The following OR6C2 variants were observed in gnomAD, a reference collection of about 807,000 sequenced individuals.
OR6C2 encodes olfactory receptor 6C2.
For missense variants in OR6C2, 435 were observed against 365.8 expected (o/e 1.19, Z -1.54); for synonymous variants, 146 against 134.2 (o/e 1.09, Z -0.61).
intron 1 of OR6C2, among the ~76,000 whole-genome samples, chr12:55,447,355 A>G (rs1162080152): frequency 6.7e-6 from 1 of 150,204 alleles, no homozygotes; most frequent in African/African-American, 2.4e-5. Flanking sequence ...ACTTAACATG[A>G]TATCTATTCT....
intron 1 of OR6C2, among the ~76,000 whole-genome samples, chr12:55,447,327 T>G (rs1180357219): frequency 2.6e-5 from 4 of 151,590 alleles, no homozygotes; most frequent in Non-Finnish European, 5.9e-5. Context: ...TTTTGGGTTT[T>G]TTTTTTTTTA....
intron 1 of OR6C2, among the ~76,000 whole-genome samples, chr12:55,448,463 C>T (rs1395213750): frequency 2.7e-5 from 4 of 148,198 alleles, no homozygotes; most frequent in Non-Finnish European, 6.0e-5. Flanking sequence ...TTTCACTATA[C>T]CTGGTTCCAA....
intron 1 of OR6C2, among the ~76,000 whole-genome samples, chr12:55,447,439 A>G (rs2120677839): frequency 6.6e-6 from 1 of 152,012 alleles, no homozygotes; most frequent in East Asian, 1.9e-4. Context: ...TCTAGAACTT[A>G]CTCATCCTGC....
chr12:55,448,008 TTTTG>T (rs1466304776), intron 1 of OR6C2, among the ~76,000 whole-genome samples: 2 of 152,046 alleles, frequency 1.3e-5, no homozygotes, highest in African/African-American at 4.8e-5. Flanking sequence ...TTACCTTTTG[TTTTG>T]TTTTTCTTGT....
intron 1 of OR6C2, among the ~76,000 whole-genome samples, chr12:55,449,716 G>C (rs1054606844): frequency 1.3e-4 from 20 of 150,942 alleles, no homozygotes; most frequent in Admixed American, 4.6e-4. Flanking sequence ...TCAAATTCTG[G>C]AAAAAAGGAA....
In OR6C2 at chr12:55,452,249, G is replaced by C. The variant is rs375852105; in HGVS notation, c.36G>C (p.Leu12=). The change falls in exon 2 of 2, where the codon CTG becomes CTC. Residue 12 remains leucine (L), a synonymous_variant. Transcript: ENST00000641202. ...KNHTVIRTFI[L]LGLTGDPHLQ... is the part of the protein sequence containing the mutation. ...ACACAGTAATAAGAACTTTTATCCT[G>C]CTGGGACTGACAGGTGACCCACACC... 6.2e-6 allele frequency: 10 copies of C among 1,606,852 alleles called. No homozygotes were observed. The African/African-American group carries it at 1.1e-4, about 17-fold the overall frequency.
chr12:55,451,953 G>C lies in OR6C2; in HGVS notation c.-261G>C, dbSNP rs540738396. ...ATCAACTGCATTTGTAAATTCTGAT[G>C]GATAAGGAATGATCAAAGAAAAAGT... On this transcript the variant is annotated 5_prime_UTR_variant, in exon 2 of 2. It removes an upstream start codon present in the reference 5' UTR. Coordinates refer to ENST00000641202, the MANE Select transcript of OR6C2 (RefSeq NM_054105.2). 3.5e-5 allele frequency: 12 copies of C among 343,414 alleles called. No individual in the cohort carries two copies. The East Asian group carries it at 5.3e-4, about 15-fold the overall frequency. The allele number at this position is 343,414 out of a possible 1,614,324, so 21.3% of individuals were successfully genotyped here.
chr12:55,452,025 C>T lies in OR6C2; in HGVS notation c.-189C>T. 1 of 483,520 alleles carries T rather than the reference C, an allele frequency of 2.1e-6. No homozygotes were observed. Among genetic ancestry groups the T allele is most frequent in the Non-Finnish European group, 3.6e-6 (1 of 276,372 alleles). 30.0% of individuals were successfully genotyped at this position (483,520 alleles called of 1,614,324 possible). ...ATTTCTTAAGGAGATATCCACTGCT[C>T]ATATATGTGAAATTTAGAAAGGTTA... On this transcript the variant is annotated 5_prime_UTR_variant, in exon 2 of 2. Transcript: ENST00000641202.
intron 1 of OR6C2, among the ~76,000 whole-genome samples, chr12:55,448,771 G>A (rs1871415169): frequency 6.6e-6 from 1 of 151,650 alleles, no homozygotes; most frequent in Non-Finnish European, 1.5e-5. Flanking sequence ...TAGGTGGACT[G>A]ATGTACTGGA....
intron 1 of OR6C2, among the ~76,000 whole-genome samples, chr12:55,445,838 G>A (rs958190512): frequency 5.9e-5 from 9 of 152,174 alleles, no homozygotes; most frequent in African/African-American, 2.2e-4. Context: ...TTCCTTAATT[G>A]CCTAGGTGGT....
intron 1 of OR6C2, among the ~76,000 whole-genome samples, chr12:55,448,051 G>A (rs578029098): frequency 2.0e-5 from 3 of 151,820 alleles, no homozygotes; most frequent in African/African-American, 4.8e-5. Context: ...ATATGTGTGA[G>A]GTGATATCTC....
chr12:55,446,712 C>T (rs1275067400), intron 1 of OR6C2, among the ~76,000 whole-genome samples: 1 of 151,912 alleles, frequency 6.6e-6, no homozygotes, highest in African/African-American at 2.4e-5. Flanking sequence ...AGAACAAAAG[C>T]TGTGGAGGCA....
In OR6C2 at chr12:55,453,286, C is replaced by T. The variant is rs1871529805; in HGVS notation, c.*134C>T. ...TTCTCAATGACATTTAATATTGCAT[C>T]CTAATCCCATCTTTATCAAAATCCT... On this transcript the variant is annotated 3_prime_UTR_variant, in exon 2 of 2. Transcript: ENST00000641202. The T allele has an allele frequency of 1.4e-4, 85 of 619,456 alleles. 2 individuals carry two copies. In the South Asian group the frequency reaches 1.8e-3, roughly 13 times the overall value. The allele number at this position is 619,456 out of a possible 1,614,324, so 38.4% of individuals were successfully genotyped here.
Position 55,452,119 on chromosome 12 carries a change from C to G in OR6C2, c.-95C>G. 2.8e-6 allele frequency: 2 copies of G among 722,490 alleles called. No homozygotes were observed. The highest frequency in any genetic ancestry group is 2.5e-4 in the Middle Eastern group (1 of 4,042). The allele number at this position is 722,490 out of a possible 1,614,324, so 44.8% of individuals were successfully genotyped here. ...AAAAGTAGGCTGGTCAGCTTGGCTT[C>G]TAGATGCATATCCTTTTGCTATAGA... On this transcript the variant is annotated 5_prime_UTR_variant, in exon 2 of 2. Transcript: ENST00000641202.
intron 1 of OR6C2, among the ~76,000 whole-genome samples, chr12:55,448,795 G>C (rs548602380): frequency 1.3e-3 from 192 of 151,808 alleles, no homozygotes; most frequent in African/African-American, 4.4e-3. Context: ...AGAGGGAGGG[G>C]TTCTGACCAG....
At chr12:55,445,205 A>C (rs759375562) in intron 1 of OR6C2, among the ~76,000 whole-genome samples, 2 of 152,176 alleles carry the variant, frequency 1.3e-5, no homozygotes, top group African/African-American at 2.4e-5. Flanking sequence ...TAGCATCTTC[A>C]TTCTCATTAT....
chr12:55,444,078 T>C lies in OR6C2; in HGVS notation c.-969T>C, dbSNP rs1871323759. 1 of 152,142 alleles carries C rather than the reference T, an allele frequency of 6.6e-6. No individual in the cohort carries two copies. The highest frequency in any genetic ancestry group is 2.4e-5 in the African/African-American group (1 of 41,460). The allele number at this position is 152,142 out of a possible 1,614,324, so 9.4% of individuals were successfully genotyped here. On this transcript the variant is annotated 5_prime_UTR_variant, in exon 1 of 2. Transcript: ENST00000641202. ...GTTAAACCAGTACAAAGTTACAACT[T>C]CCTTAACACAACACAGTTCAACCCA...
rs1223170783 is a variant in OR6C2 at position 55,453,170 on chromosome 12, C to T, written c.*18C>T. 1.9e-6 allele frequency: 3 copies of T among 1,570,168 alleles called. No individual in the cohort carries two copies. The highest frequency in any genetic ancestry group is 2.6e-6 in the Non-Finnish European group (3 of 1,147,248). ...AGAAGTAGAAGCTGTGATGAATTGG[C>T]ATAAAGTGAATGAAGAAGGCTCCCT... is the stretch of plus-strand genomic sequence containing the variant. On this transcript the variant is annotated 3_prime_UTR_variant, in exon 2 of 2. Transcript: ENST00000641202.
Position 55,451,961 on chromosome 12 carries a change from A to T in OR6C2, c.-253A>T. 1 of 370,286 alleles carries T rather than the reference A, an allele frequency of 2.7e-6. No homozygotes were observed. Among genetic ancestry groups the T allele is most frequent in the Non-Finnish European group, 4.8e-6 (1 of 206,948 alleles). The allele number at this position is 370,286 out of a possible 1,614,324, so 22.9% of individuals were successfully genotyped here. ...CATTTGTAAATTCTGATGGATAAGG[A>T]ATGATCAAAGAAAAAGTTGGATTGT... On this transcript the variant is annotated 5_prime_UTR_variant, in exon 2 of 2. Coordinates refer to ENST00000641202, the MANE Select transcript of OR6C2 (RefSeq NM_054105.2).
Sources: allele counts gnomAD v4.1 joint callset (sites outside exome capture counted in the v4.1 genomes callset), GRCh38; gene constraint gnomAD v4.1.1; transcripts MANE v1.5; gene names NCBI Gene and HGNC (gene_info 2026-07-23, HGNC 2026-07-21).